Variants in DMD observed in about 807,000 individuals in gnomAD.
DMD encodes the protein mutant dystrophin.
DMD carries 63 observed loss-of-function variants against 330.1 expected under a neutral mutation model. The ratio of observed to expected loss-of-function variants is 0.19; its 90% confidence interval spans 0.16 to 0.24. The LOEUF is 0.24. Ranked by LOEUF, DMD falls within the 10% of genes least tolerant of loss-of-function variation. The probability of loss-of-function intolerance (pLI) is 1.00; values close to 1 mark genes in which losing one functional copy is unlikely to be tolerated. For missense variants in DMD, 3,344 were observed against 2,684.1 expected, an observed-to-expected ratio of 1.25 and a Z score of -5.43; for synonymous variants, 1,223 against 959.8, an observed-to-expected ratio of 1.27 and a Z score of -5.07.
At chrX:33,002,565 AAAGC>A (rs1210698472) in intron 2 of DMD, among the ~76,000 whole-genome samples, 20 of 110,183 alleles carry the variant, frequency 1.8e-4, no homozygotes, top group Middle Eastern at 4.7e-3. Context: ...TTGGTTGCAA[AAAGC>A]AACCAATCAG....
chrX:33,237,155 A>G (rs1399851040), intron 1 of DMD, among the ~76,000 whole-genome samples: 1 of 106,342 alleles, frequency 9.4e-6, no homozygotes, highest in Non-Finnish European at 1.9e-5. Flanking sequence ...AACGCACGCC[A>G]TTGGTTTCCT....
Position 32,441,318 on chromosome X carries a change from A to C in DMD, c.3787-4T>G. On this transcript the variant is annotated splice_polypyrimidine_tract_variant and splice_region_variant and intron_variant, in intron 27 of 78. Coordinates refer to ENST00000357033, the MANE Select transcript of DMD (RefSeq NM_004006.3). ...CATGCCAACATGCCCAAACTTCCTA[A>C]GAAAGAAATATATATCACAGATTAA... The C allele has an allele frequency of 8.3e-7, 1 of 1,203,780 alleles. No homozygotes were observed. Among genetic ancestry groups the C allele is most frequent in the Non-Finnish European group, 1.1e-6 (1 of 888,904 alleles).
chrX:32,770,868 A>C lies in DMD; in HGVS notation c.649+38625T>G, dbSNP rs374891169. On this transcript the variant is annotated intron_variant, in intron 7 of 78. Transcript: ENST00000357033. ...AAGAAAAATAGAGCAAGGTAAAGAG[A>C]GGGAACAAAAGGCATGGAGAGGTTG... 1.1e-4 allele frequency among the ~76,000 whole-genome samples: 12 copies of C among 112,372 alleles called. No homozygotes were observed. The East Asian group carries it at 3.4e-3, about 32-fold the overall frequency.
At chrX:33,151,075 A>ATGC (rs1044264885) in intron 1 of DMD, among the ~76,000 whole-genome samples, 2 of 112,716 alleles carry the variant, frequency 1.8e-5, no homozygotes, top group Non-Finnish European at 3.7e-5. Context: ...TTGCTATGTT[A>ATGC]TGCTGCCCTC....
At chrX:32,611,003 A>G (rs1272597480) in intron 12 of DMD, among the ~76,000 whole-genome samples, 1 of 111,341 alleles carries the variant, frequency 9.0e-6, no homozygotes, top group African/African-American at 3.3e-5. Flanking sequence ...CTAACAAAAC[A>G]GTGTTCCTTT....
chrX:32,969,047 AAAAAAAAAAG>A (rs1402607954), intron 2 of DMD, among the ~76,000 whole-genome samples: 1 of 99,430 alleles, frequency 1.0e-5, no homozygotes, highest in African/African-American at 3.7e-5. Flanking sequence ...AAAAAAAAAA[AAAAAAAAAAG>A]AACCTAGAAC....
chrX:32,768,177 A>T (rs776446457), intron 7 of DMD, among the ~76,000 whole-genome samples: 3 of 112,039 alleles, frequency 2.7e-5, no homozygotes, highest in Non-Finnish European at 5.6e-5. Flanking sequence ...TTAAAAAATG[A>T]ATATGCTATC....
intron 1 of DMD, among the ~76,000 whole-genome samples, chrX:33,079,917 A>G (rs1429399336): frequency 8.9e-6 from 1 of 111,958 alleles, no homozygotes; most frequent in Non-Finnish European, 1.9e-5. Flanking sequence ...TTCCCCTGCC[A>G]TTTACCCAAA....
chrX:32,089,532 C>T (rs761089706), intron 44 of DMD, among the ~76,000 whole-genome samples: 17 of 111,380 alleles, frequency 1.5e-4, no homozygotes, highest in Admixed American at 5.8e-4. Context: ...AGTGAGAACA[C>T]GCAGTATTTG....
chrX:33,041,586 C>T, intron 1 of DMD: 1 of 1,208,901 alleles, frequency 8.3e-7, no homozygotes, highest in Non-Finnish European at 1.1e-6. Context: ...GGATGATGAT[C>T]CCAGATTGCC....
intron 62 of DMD, among the ~76,000 whole-genome samples, chrX:31,321,583 CAAAAAAAAA>C (rs1190446358): frequency 2.9e-4 from 3 of 10,472 alleles, no homozygotes; most frequent in Admixed American, 1.7e-3. Flanking sequence ...AACTCCATCT[CAAAAAAAAA>C]AAAAAAAAAA....
At chrX:32,626,395 G>C (rs773435122) in intron 11 of DMD, among the ~76,000 whole-genome samples, 10 of 105,215 alleles carry the variant, frequency 9.5e-5, no homozygotes, top group Non-Finnish European at 1.9e-4. Context: ...TTGAACCCGG[G>C]GGGACAGAGG....
chrX:32,637,496 C>T (rs567656494), intron 11 of DMD, among the ~76,000 whole-genome samples: 3 of 111,916 alleles, frequency 2.7e-5, no homozygotes, highest in East Asian at 2.8e-4. Context: ...GTCACTTCCA[C>T]GTGTTCGGGT....
Position 32,071,545 on chromosome X carries a change from T to C in DMD, c.6439-103031A>G, listed in dbSNP as rs184071302. Among the ~76,000 whole-genome samples the C allele has an allele frequency of 7.9e-3, 815 of 102,659 alleles. 12 individuals are homozygous for C. The highest frequency in any genetic ancestry group is 0.028 in the African/African-American group (784 of 28,119). The allele number at this position is 102,659 out of a possible 115,157, so 89.1% of individuals were successfully genotyped here. On this transcript the variant is annotated intron_variant, in intron 44 of 78. Coordinates refer to ENST00000357033, the MANE Select transcript of DMD (RefSeq NM_004006.3). Reference sequence around the variant, plus strand: ...AGGGGGGAGGGATAGCATTAGGAGATATACCTAATGCTAAATGACGAGTTA... The same window carrying C: ...AGGGGGGAGGGATAGCATTAGGAGACATACCTAATGCTAAATGACGAGTTA...
At position 33,274,088 on chromosome X, in the gene DMD, A is replaced by G. The variant is rs1438036481; in HGVS notation, c.7+65171T>C. ...CAGATAACTGAAGTTTTTTTTGTCAAAGATATTAAAGAGTATGTTAAGAAT... is the reference window on the plus strand; with the variant it reads ...CAGATAACTGAAGTTTTTTTTGTCAGAGATATTAAAGAGTATGTTAAGAAT... On this transcript the variant is annotated intron_variant, in intron 1 of 17. Transcript: ENST00000288447. 3.6e-5 allele frequency among the ~76,000 whole-genome samples: 4 copies of G among 111,876 alleles called. No homozygotes were observed. The Admixed American group carries it at 3.8e-4, about 11-fold the overall frequency.
At chrX:32,356,908 G>C (rs2097803205) in intron 37 of DMD, among the ~76,000 whole-genome samples, 1 of 110,515 alleles carries the variant, frequency 9.0e-6, no homozygotes, top group South Asian at 3.8e-4. Context: ...TTTTATTTTT[G>C]AGATGGAATC....
chrX:32,431,195 G>A (rs2098236941), intron 29 of DMD, among the ~76,000 whole-genome samples: 1 of 110,611 alleles, frequency 9.0e-6, no homozygotes, highest in South Asian at 3.8e-4. Context: ...AGGGTACAAG[G>A]GGCCCTTTTC....
At chrX:31,715,795 C>G (rs1603450758) in intron 52 of DMD, among the ~76,000 whole-genome samples, 1 of 110,920 alleles carries the variant, frequency 9.0e-6, no homozygotes, top group South Asian at 3.8e-4. Context: ...ATTGCAAAGT[C>G]TGGGTCTGTT....
intron 55 of DMD, among the ~76,000 whole-genome samples, chrX:31,576,859 G>A (rs1832932006): frequency 9.2e-6 from 1 of 109,132 alleles, no homozygotes; most frequent in Admixed American, 9.9e-5. Flanking sequence ...GGGACTACAG[G>A]CGCCCACCAC....
Sources: allele counts gnomAD v4.1 joint callset (sites outside exome capture counted in the v4.1 genomes callset), GRCh38; gene constraint gnomAD v4.1.1; transcripts MANE v1.5; gene names NCBI Gene and HGNC (gene_info 2026-07-23, HGNC 2026-07-21).